The following RNGTT variants were observed in gnomAD, a reference collection of about 807,000 sequenced individuals.
RNGTT encodes the protein mRNA-capping enzyme.
RNGTT carries 33 observed loss-of-function variants against 79.3 expected under a neutral mutation model. The observed-to-expected ratio is 0.42, with a 90% confidence interval of 0.32 to 0.56. The LOEUF (loss-of-function observed/expected upper bound fraction) is 0.56. Among genes scored for constraint, RNGTT ranks in the 20% least tolerant of loss-of-function variants. RNGTT has a pLI of 0.17. For missense variants in RNGTT, 497 were observed against 739.1 expected (o/e 0.67, Z 3.80); for synonymous variants, 222 against 235.9 (o/e 0.94, Z 0.54).
chr6:88,624,051 G>T (rs1772537342), intron 14 of RNGTT, among the ~76,000 whole-genome samples: 1 of 151,900 alleles, frequency 6.6e-6, no homozygotes, highest in African/African-American at 2.4e-5. Context: ...TGCAGGATCT[G>T]CATGTTGACA....
chr6:88,893,597 T>C (rs913161826), intron 6 of RNGTT, among the ~76,000 whole-genome samples: 2 of 152,196 alleles, frequency 1.3e-5, no homozygotes, highest in African/African-American at 4.8e-5. Context: ...AAAAGCTGAA[T>C]ATTTTTAATT....
chr6:88,961,490 G>C (rs1348437855), intron 1 of RNGTT, among the ~76,000 whole-genome samples: 1 of 150,960 alleles, frequency 6.6e-6, no homozygotes, highest in South Asian at 2.1e-4. Flanking sequence ...ATGCTGGAGT[G>C]CAGTGGTGCA....
At chr6:88,815,354 G>A (rs2127874753) in intron 11 of RNGTT, among the ~76,000 whole-genome samples, 1 of 152,148 alleles carries the variant, frequency 6.6e-6, no homozygotes, top group African/African-American at 2.4e-5. Context: ...TCTCTCCTTT[G>A]GCTGGTTTTA....
At chr6:88,904,222 G>A (rs1783568728) in intron 6 of RNGTT, among the ~76,000 whole-genome samples, 1 of 151,870 alleles carries the variant, frequency 6.6e-6, no homozygotes, top group Non-Finnish European at 1.5e-5. Flanking sequence ...AACAAAAACA[G>A]GAAAAATTTA....
intron 13 of RNGTT, among the ~76,000 whole-genome samples, chr6:88,756,903 GT>G (rs2127833555): frequency 6.6e-6 from 1 of 152,224 alleles, no homozygotes; most frequent in South Asian, 2.1e-4. Context: ...GAGAGTGAAG[GT>G]TATTAGCTTT....
At chr6:88,929,357 T>G (rs1007412004) in intron 2 of RNGTT, 90 bp from the exon 3 acceptor site, 3 of 756,148 alleles carry the variant, frequency 4.0e-6, no homozygotes. Flanking sequence ...TACAGTTCAT[T>G]CATTTACATT....
chr6:88,717,343 T>C (rs2127810955), intron 13 of RNGTT, among the ~76,000 whole-genome samples: 1 of 152,338 alleles, frequency 6.6e-6, no homozygotes, highest in East Asian at 1.9e-4. Context: ...TAGGTGTTTA[T>C]TTTACTCACC....
At chr6:88,854,252 T>A (rs1324603031) in intron 8 of RNGTT, among the ~76,000 whole-genome samples, 1 of 152,116 alleles carries the variant, frequency 6.6e-6, no homozygotes, top group Admixed American at 6.5e-5. Flanking sequence ...TTTTTTTAAC[T>A]TTTTTCATTT....
At chr6:88,744,267 AT>A (rs1051372302) in intron 13 of RNGTT, among the ~76,000 whole-genome samples, 68 of 151,662 alleles carry the variant, frequency 4.5e-4, no homozygotes, top group African/African-American at 1.6e-3. Context: ...TTATTTATTT[AT>A]TTATTTTTTT....
rs185695230 is a variant in RNGTT, at chr6:88,662,735, G to A, written c.1506+15618C>T. ...AAGCAGATCCTGGGAGCACTCTCGC[G>A]TAGGCAATTGCCCTGGTCAAATGCC... On this transcript the variant is annotated intron_variant, in intron 14 of 15. Transcript: ENST00000369485. 1.9e-3 allele frequency among the ~76,000 whole-genome samples: 295 copies of A among 152,354 alleles called. 4 individuals carry two copies. Among genetic ancestry groups the A allele is most frequent in the African/African-American group, 6.8e-3 (284 of 41,586 alleles).
At position 88,614,338 on chromosome 6, in the gene RNGTT, T is replaced by C. The variant is rs144352397; in HGVS notation, c.1564A>G (p.Asn522Asp). Residue 522 changes from asparagine to aspartate, a missense_variant, in exon 15 of 16, where the codon AAC (asparagine) becomes GAC (aspartate). Coordinates refer to ENST00000369485, the MANE Select transcript of RNGTT (RefSeq NM_003800.5). Reference sequence around the variant, plus strand: ...CTCTGTCTCATGAAGACCCAGCTGTTGTTCTCAAATTTGCATTCTATAATT... The same window carrying C: ...CTCTGTCTCATGAAGACCCAGCTGTCGTTCTCAAATTTGCATTCTATAATT... ...NKIIECKFEN[N>D]SWVFMRQRTD... 2.5e-6 allele frequency: 4 copies of C among 1,613,780 alleles called. No individual in the cohort carries two copies. In the East Asian group the frequency reaches 8.9e-5, roughly 36 times the overall value.
intron 1 of RNGTT, among the ~76,000 whole-genome samples, chr6:88,957,529 T>G (rs1156865764): frequency 6.6e-6 from 1 of 152,134 alleles, no homozygotes; most frequent in Non-Finnish European, 1.5e-5. Context: ...AGTTTCAGGA[T>G]ACAAAATCAA....
chr6:88,854,828 C>A (rs1781792344), intron 8 of RNGTT, among the ~76,000 whole-genome samples: 3 of 152,164 alleles, frequency 2.0e-5, no homozygotes, highest in Admixed American at 6.5e-5. Flanking sequence ...GAATGGAGTT[C>A]TATTTCACAC....
intron 6 of RNGTT, among the ~76,000 whole-genome samples, chr6:88,894,429 A>G (rs1453939908): frequency 6.6e-6 from 1 of 152,196 alleles, no homozygotes. Flanking sequence ...GTAGCTAGAA[A>G]AGTATGCCTT....
intron 12 of RNGTT, among the ~76,000 whole-genome samples, chr6:88,793,027 C>T (rs1352621690): frequency 6.6e-6 from 1 of 152,154 alleles, no homozygotes; most frequent in East Asian, 1.9e-4. Context: ...GATGGGTAGA[C>T]ATGTGATTAT....
intron 14 of RNGTT, among the ~76,000 whole-genome samples, chr6:88,676,140 A>G (rs1439461028): frequency 6.6e-6 from 1 of 152,214 alleles, no homozygotes; most frequent in Non-Finnish European, 1.5e-5. Flanking sequence ...GATTTATACT[A>G]CTTGACTTCA....
chr6:88,796,109 C>T (rs1345900144), intron 12 of RNGTT, among the ~76,000 whole-genome samples: 1 of 152,228 alleles, frequency 6.6e-6, no homozygotes, highest in African/African-American at 2.4e-5. Context: ...CACTGGATTT[C>T]AAATACTCAG....
At chr6:88,834,086 ATTTT>A (rs995583058) in intron 11 of RNGTT, among the ~76,000 whole-genome samples, 2 of 152,182 alleles carry the variant, frequency 1.3e-5, no homozygotes, top group African/African-American at 4.8e-5. Flanking sequence ...ACAAATAGGT[ATTTT>A]TTTGAATGTT....
intron 11 of RNGTT, among the ~76,000 whole-genome samples, chr6:88,843,548 C>CTTCTTTTTTT (rs1437292319): frequency 1.5e-4 from 10 of 66,658 alleles, no homozygotes; most frequent in African/African-American, 6.8e-4. Flanking sequence ...TAGTATGATT[C>CTTCTTTTTTT]TTTTTTTTTT....
Sources: gnomAD v4.1 joint callset for allele counts (sites outside exome capture counted in the v4.1 genomes callset) on GRCh38, gnomAD v4.1.1 for gene constraint, MANE v1.5 for transcripts, NCBI Gene and HGNC (gene_info 2026-07-23, HGNC 2026-07-21) for gene names.